Variants in DMRTA2 observed in about 807,000 individuals in gnomAD.
DMRTA2 encodes the protein doublesex- and mab-3-related transcription factor A2.
DMRTA2 carries 10 observed loss-of-function variants against 29.7 expected under a neutral mutation model. That is an observed-to-expected ratio of 0.34 (90% confidence interval 0.21 to 0.57). The LOEUF (loss-of-function observed/expected upper bound fraction) is 0.57. Among genes scored for constraint, DMRTA2 ranks in the 20% least tolerant of loss-of-function variants. The pLI is 0.87. For synonymous variants in DMRTA2, 469 were observed against 402.6 expected (o/e 1.16, Z -1.97); for missense variants, 783 against 812.1 (o/e 0.96, Z 0.44).
chr1:50,418,608 G>T lies in DMRTA2; in HGVS notation c.*57C>A. 1.5e-6 allele frequency: 2 copies of T among 1,294,430 alleles called. No individual in the cohort carries two copies. Among genetic ancestry groups the T allele is most frequent in the Non-Finnish European group, 9.9e-7 (1 of 1,005,662 alleles). The allele number at this position is 1,294,430 out of a possible 1,614,324, so 80.2% of individuals were successfully genotyped here. On this transcript the variant is annotated 3_prime_UTR_variant, in exon 3 of 3. Coordinates refer to ENST00000404795, the MANE Select transcript of DMRTA2 (RefSeq NM_032110.3). ...CTGGGCGAAGAGGGGTCGATGGCCCGCGGGAACAGGGCTGGGGTTCCTGTT... is the reference window on the plus strand; with the variant it reads ...CTGGGCGAAGAGGGGTCGATGGCCCTCGGGAACAGGGCTGGGGTTCCTGTT...
rs1200193319 is a variant in DMRTA2, at chr1:50,421,332, TG to T, written c.204del (p.Lys69SerfsTer146). On this transcript the variant is annotated frameshift_variant, in exon 2 of 3. Transcript: ENST00000404795. LOFTEE classifies it high-confidence loss of function. This position sits in a 1 kb window ranked among gnomAD's most constrained non-coding sequence, Gnocchi z 8.7. ...LRAAEKYPRTPKCARCRNHGV... is the reference protein window; with the variant it reads ...LRAAEKYPRTXKCARCRNHGV... ...CCATGGTTGCGACAGCGCGCGCACT[TG>T]GGGGTCCGCGGGTACTTCTCGGCTG... 6.5e-7 allele frequency: 1 copy of T among 1,527,524 alleles called. No homozygotes were observed. Among genetic ancestry groups the T allele is most frequent in the Non-Finnish European group, 8.8e-7 (1 of 1,137,188 alleles). 94.6% of individuals were successfully genotyped at this position (1,527,524 alleles called of 1,614,324 possible).
At position 50,418,944 on chromosome 1, in the gene DMRTA2, G is replaced by T. The variant is rs1447150739; in HGVS notation, c.1350C>A (p.Ala450=). The change falls in exon 3 of 3, where the codon GCC becomes GCA. Residue 450 remains alanine, a synonymous_variant. Coordinates refer to ENST00000404795, the MANE Select transcript of DMRTA2 (RefSeq NM_032110.3). The part of the protein sequence containing the change: ...PLQPNASHFG[A]DAGAYPLGAP... ...CGCCCAGCGGGTAGGCGCCCGCGTC[G>T]GCACCGAAGTGACTGGCGTTGGGCT... The T allele has an allele frequency of 6.9e-7, 1 of 1,443,370 alleles. No individual in the cohort carries two copies. Among genetic ancestry groups the T allele is most frequent in the Non-Finnish European group, 9.1e-7 (1 of 1,103,880 alleles). The allele number at this position is 1,443,370 out of a possible 1,614,324, so 89.4% of individuals were successfully genotyped here.
Position 50,418,318 on chromosome 1 carries a change from G to A in DMRTA2, c.*347C>T. Reference sequence around the variant, plus strand: ...ATCCACTGAGAGCCGGATGAGCACAGCTAAGGAGCCGCAGGAGCCTGCGCT... The same window carrying A: ...ATCCACTGAGAGCCGGATGAGCACAACTAAGGAGCCGCAGGAGCCTGCGCT... On this transcript the variant is annotated 3_prime_UTR_variant, in exon 3 of 3. Coordinates refer to ENST00000404795, the MANE Select transcript of DMRTA2 (RefSeq NM_032110.3). The A allele has an allele frequency of 4.6e-6, 1 of 215,130 alleles. No individual in the cohort carries two copies. The highest frequency in any genetic ancestry group is 9.1e-6 in the Non-Finnish European group (1 of 109,902). The allele number at this position is 215,130 out of a possible 1,614,324, so 13.3% of individuals were successfully genotyped here. A position where few individuals can be genotyped will look rare whatever the true frequency, so the allele number is the denominator to read the frequency against.
In DMRTA2 at chr1:50,418,852, G is replaced by T. The variant is rs764613326; in HGVS notation, c.1442C>A (p.Ala481Asp). 4 of 1,560,430 alleles carry T rather than the reference G, an allele frequency of 2.6e-6. No homozygotes were observed. In the South Asian group the frequency reaches 4.7e-5, roughly 18 times the overall value. ...GGCAGTGGAGTAGGGCGCCATGAAG[G>T]CCAGACCGCGGCTGTGCGCCGCCGC... ...SAAAAHSRGLAFMAPYSTAGL... is the reference protein window; with the variant it reads ...SAAAAHSRGLDFMAPYSTAGL... The change falls in exon 3 of 3, where the codon GCC (alanine) becomes GAC (aspartate). Residue 481 changes from alanine (A) to aspartate (D), a missense_variant. Transcript: ENST00000404795.
rs1230425389 is a variant in DMRTA2 at position 50,418,172 on chromosome 1, C to G, written c.*493G>C. On this transcript the variant is annotated 3_prime_UTR_variant, in exon 3 of 3. Transcript: ENST00000404795. Reference sequence around the variant, plus strand: ...CAATTGTATCGATATATATGTGTGTCCCAAAGACTCAGTGCCAAGAGATTT... The same window carrying G: ...CAATTGTATCGATATATATGTGTGTGCCAAAGACTCAGTGCCAAGAGATTT... The G allele has an allele frequency of 2.0e-5, 3 of 151,750 alleles. No individual in the cohort carries two copies. Among genetic ancestry groups the G allele is most frequent in the Non-Finnish European group, 4.4e-5 (3 of 68,106 alleles). The allele number at this position is 151,750 out of a possible 1,614,324, so 9.4% of individuals were successfully genotyped here.
At position 50,418,593 on chromosome 1, in the gene DMRTA2, A is replaced by G; in HGVS notation, c.*72T>C. ...GGCGCAGAGAGAGCGCTGGGCGAAG[A>G]GGGGTCGATGGCCCGCGGGAACAGG... On this transcript the variant is annotated 3_prime_UTR_variant, in exon 3 of 3. Transcript: ENST00000404795. The G allele has an allele frequency of 8.1e-7, 1 of 1,241,204 alleles. No individual in the cohort carries two copies. The allele number at this position is 1,241,204 out of a possible 1,614,324, so 76.9% of individuals were successfully genotyped here.
Position 50,421,302 on chromosome 1 carries a change from C to T in DMRTA2, c.235G>A (p.Val79Met). ...CGTTTGTGGCCCTTGAGGGCCGACA[C>T]CACGCCATGGTTGCGACAGCGCGCG... Reference protein sequence around the residue: ...KCARCRNHGVVSALKGHKRYC... With the variant: ...KCARCRNHGVMSALKGHKRYC... The change falls in exon 2 of 3, where the codon GTG (valine) becomes ATG (methionine). Residue 79 changes from valine (V) to methionine (M), a missense_variant. Transcript: ENST00000404795. The surrounding 1 kb of genome is among the most constrained non-coding windows in gnomAD (Gnocchi z 8.7). 1 of 1,532,328 alleles carries T rather than the reference C, an allele frequency of 6.5e-7. No individual in the cohort carries two copies. The allele number at this position is 1,532,328 out of a possible 1,614,324, so 94.9% of individuals were successfully genotyped here. A position where few individuals can be genotyped will look rare whatever the true frequency, so the allele number is the denominator to read the frequency against.
chr1:50,419,123 C>CGGGGGGGGGGGGGGGGGG lies in DMRTA2; in HGVS notation c.1170_1171insCCCCCCCCCCCCCCCCCC (p.Ala390_Ala391insProProProProProPro). On this transcript the variant is annotated inframe_insertion, in exon 3 of 3. Coordinates refer to ENST00000404795, the MANE Select transcript of DMRTA2 (RefSeq NM_032110.3). The surrounding 1 kb of genome is among the most constrained non-coding windows in gnomAD (Gnocchi z 6.1). ...CCCCCGGCGGCGGCGGCGGCGGCGG[C>CGGGGGGGGGGGGGGGGGG]GGCGGCGTCGACGCGGCTGGGCCAC... 8.4e-7 allele frequency: 1 copy of CGGGGGGGGGGGGGGGGGG among 1,184,566 alleles called. No homozygotes were observed. Among genetic ancestry groups the CGGGGGGGGGGGGGGGGGG allele is most frequent in the Non-Finnish European group, 1.0e-6 (1 of 962,730 alleles). 73.4% of individuals were successfully genotyped at this position (1,184,566 alleles called of 1,614,324 possible). A position where few individuals can be genotyped will look rare whatever the true frequency, so the allele number is the denominator to read the frequency against.
In DMRTA2 at chr1:50,419,088, C is replaced by T; in HGVS notation, c.1206G>A (p.Leu402=). The T allele has an allele frequency of 2.5e-6, 3 of 1,209,370 alleles. No homozygotes were observed. Among genetic ancestry groups the T allele is most frequent in the Non-Finnish European group, 1.0e-6 (1 of 977,836 alleles). 74.9% of individuals were successfully genotyped at this position (1,209,370 alleles called of 1,614,324 possible). A position where few individuals can be genotyped will look rare whatever the true frequency, so the allele number is the denominator to read the frequency against. Residue 402 remains leucine (L), a synonymous_variant, in exon 3 of 3, where the codon CTG becomes CTA. Coordinates refer to ENST00000404795, the MANE Select transcript of DMRTA2 (RefSeq NM_032110.3). This position sits in a 1 kb window ranked among gnomAD's most constrained non-coding sequence, Gnocchi z 6.1. ...CGGGCCCCGCCTGCAGCGGCGCAGGCAGCCCAGGCCCCCCGGCGGCGGCGG... is the reference window on the plus strand; with the variant it reads ...CGGGCCCCGCCTGCAGCGGCGCAGGTAGCCCAGGCCCCCCGGCGGCGGCGG... ...AAAAAAGGPG[L]PAPLQAGPAA... is the part of the protein sequence containing the mutation.
chr1:50,418,737 C>T lies in DMRTA2; in HGVS notation c.1557G>A (p.Ala519=). The change falls in exon 3 of 3, where the codon GCG becomes GCA. Residue 519 remains alanine, a synonymous_variant. Transcript: ENST00000404795. ...CGCCGTAGGTCGGCTCCTTGTGCAC[C>T]GCCGCAGCAGCGGCGGCCGAGCGGT... The part of the protein sequence containing the change: ...MRDRSAAAAA[A]VHKEPTYGGG... The T allele has an allele frequency of 6.5e-7, 1 of 1,549,550 alleles. No individual in the cohort carries two copies. The highest frequency in any genetic ancestry group is 8.7e-7 in the Non-Finnish European group (1 of 1,152,346).
rs914021338 is a variant in DMRTA2, at chr1:50,421,678, A to C, written c.-8-134T>G. 1 of 1,079,548 alleles carries C rather than the reference A, an allele frequency of 9.3e-7. No individual in the cohort carries two copies. 66.9% of individuals were successfully genotyped at this position (1,079,548 alleles called of 1,614,324 possible). A position where few individuals can be genotyped will look rare whatever the true frequency, so the allele number is the denominator to read the frequency against. On this transcript the variant is annotated intron_variant, in intron 1 of 2. Transcript: ENST00000404795. This position sits in a 1 kb window ranked among gnomAD's most constrained non-coding sequence, Gnocchi z 8.7. ...GCGGAGGCTGGGCTAGAGGGGCCAG[A>C]ATTGCTGGGAGGAGGTGCAGTCGGA...
Position 50,418,683 on chromosome 1 carries a change from G to A in DMRTA2, c.1611C>T (p.Gly537=). Residue 537 remains glycine (G), a synonymous_variant, in exon 3 of 3, where the codon GGC becomes GGT. Coordinates refer to ENST00000404795, the MANE Select transcript of DMRTA2 (RefSeq NM_032110.3). ...CCTCGCCCTACTGCTTCTCCGGAGC[G>A]CCGTTGACCATAGGCCCGTACAGGC... ...GGGLYGPMVN[G]APEKQ 1 of 1,414,028 alleles carries A rather than the reference G, an allele frequency of 7.1e-7. No homozygotes were observed. The highest frequency in any genetic ancestry group is 1.5e-5 in the South Asian group (1 of 64,622). The allele number at this position is 1,414,028 out of a possible 1,614,324, so 87.6% of individuals were successfully genotyped here.
chr1:50,421,195 C>T lies in DMRTA2; in HGVS notation c.342G>A (p.Ala114=). The T allele has an allele frequency of 6.5e-7, 1 of 1,537,412 alleles. No homozygotes were observed. The highest frequency in any genetic ancestry group is 8.8e-7 in the Non-Finnish European group (1 of 1,141,862). ...ERQRVMAAQV[A]LRRQQAQEEN... Reference sequence around the variant, plus strand: ...CCTCCTGCGCCTGCTGCCTGCGCAGCGCCACCTGCGCCGCCATGACACGCT... The same window carrying T: ...CCTCCTGCGCCTGCTGCCTGCGCAGTGCCACCTGCGCCGCCATGACACGCT... The change falls in exon 2 of 3, where the codon GCG becomes GCA. Residue 114 remains alanine (A), a synonymous_variant. Transcript: ENST00000404795. The surrounding 1 kb of genome is among the most constrained non-coding windows in gnomAD (Gnocchi z 8.7).
rs1055306644 is a variant in DMRTA2 at position 50,420,521 on chromosome 1, A to C, written c.559+457T>G. Among the ~76,000 whole-genome samples, 1 of 152,130 alleles carries C rather than the reference A, an allele frequency of 6.6e-6. No homozygotes were observed. Among genetic ancestry groups the C allele is most frequent in the African/African-American group, 2.4e-5 (1 of 41,406 alleles). ...GCGTTAGGAACGCGAGAAGGGGAAA[A>C]GAAACTAGGGCGTCTCAGAACCTAG... On this transcript the variant is annotated intron_variant, in intron 2 of 2. Coordinates refer to ENST00000404795, the MANE Select transcript of DMRTA2 (RefSeq NM_032110.3). This position sits in a 1 kb window ranked among gnomAD's most constrained non-coding sequence, Gnocchi z 4.1.
At position 50,421,480 on chromosome 1, in the gene DMRTA2, T is replaced by TGCC. The variant is rs879462205; in HGVS notation, c.54_56dup (p.Ala19dup). The TGCC allele has an allele frequency of 4.8e-5, 61 of 1,275,272 alleles. No individual in the cohort carries two copies. Among genetic ancestry groups the TGCC allele is most frequent in the African/African-American group, 6.2e-5 (4 of 64,428 alleles). 79.0% of individuals were successfully genotyped at this position (1,275,272 alleles called of 1,614,324 possible). ...ACGCCACAGGCGGCCCCGTCGCTGT[T>TGCC]GCCGCCGCCGCCGTCGCCGCGCCGG... is the stretch of plus-strand genomic sequence containing the variant. On this transcript the variant is annotated inframe_insertion, in exon 2 of 3. Coordinates refer to ENST00000404795, the MANE Select transcript of DMRTA2 (RefSeq NM_032110.3). The surrounding 1 kb of genome is among the most constrained non-coding windows in gnomAD (Gnocchi z 8.7).
rs367637662 is a variant in DMRTA2, at chr1:50,419,894, C to T, written c.560-160G>A. The stretch of plus-strand genomic sequence containing the variant: ...TCTTTTTGCTCTAGCATTCCTTCCG[C>T]TCTGAGCCCCTACAGCCCTGACCCC... On this transcript the variant is annotated intron_variant, in intron 2 of 2. Coordinates refer to ENST00000404795, the MANE Select transcript of DMRTA2 (RefSeq NM_032110.3). The surrounding 1 kb of genome is among the most constrained non-coding windows in gnomAD (Gnocchi z 6.1). Among the ~76,000 whole-genome samples the T allele has an allele frequency of 6.6e-6, 1 of 152,130 alleles. No homozygotes were observed. Among genetic ancestry groups the T allele is most frequent in the African/African-American group, 2.4e-5 (1 of 41,436 alleles).
At position 50,421,230 on chromosome 1, in the gene DMRTA2, C is replaced by A; in HGVS notation, c.307G>T (p.Ala103Ser). ...DCLCAKCTLIAERQRVMAAQV... is the reference protein window; with the variant it reads ...DCLCAKCTLISERQRVMAAQV... ...GCCGCCATGACACGCTGGCGCTCCG[C>A]GATGAGCGTGCACTTGGCGCACAGG... The change falls in exon 2 of 3, where the codon GCG (alanine) becomes TCG (serine). Residue 103 changes from alanine (A) to serine (S), a missense_variant. Ala to Ser is a moderately conservative substitution (Grantham distance 99, BLOSUM62 1). Around this residue, in one of 3 missense-constraint regions of DMRTA2, gnomAD observed 76 missense variants for 152.6 expected, o/e 0.50. Transcript: ENST00000404795. The surrounding 1 kb of genome is among the most constrained non-coding windows in gnomAD (Gnocchi z 8.7). 1 of 1,537,168 alleles carries A rather than the reference C, an allele frequency of 6.5e-7. No homozygotes were observed. The highest frequency in any genetic ancestry group is 8.8e-7 in the Non-Finnish European group (1 of 1,141,392).
At chr1:50,423,057 A>C (rs919378419) in intron 1 of DMRTA2, 59 bp downstream of exon 1, 6 of 152,306 alleles carry the variant, frequency 3.9e-5, no homozygotes, top group African/African-American at 1.4e-4. Context: ...GGCCTCCTCA[A>C]CAGGGGCCGC....
rs778056129 is a variant in DMRTA2 at position 50,419,448 on chromosome 1, G to T, written c.846C>A (p.Ser282Arg). Residue 282 changes from serine to arginine, a missense_variant, in exon 3 of 3, where the codon AGC becomes AGA. Ser to Arg is a moderately radical substitution (Grantham distance 110, BLOSUM62 -1). Transcript: ENST00000404795. This position sits in a 1 kb window ranked among gnomAD's most constrained non-coding sequence, Gnocchi z 6.1. Reference protein sequence around the residue: ...GGEEDSPGSASPLGSESGSEA... With the variant: ...GGEEDSPGSARPLGSESGSEA... ...CTGAACCGGATTCAGAGCCCAGAGG[G>T]CTAGCGGAGCCCGGGCTGTCCTCCT... The T allele has an allele frequency of 3.1e-6, 5 of 1,598,370 alleles. No homozygotes were observed. Among genetic ancestry groups the T allele is most frequent in the South Asian group, 1.1e-5 (1 of 90,324 alleles).
Sources: allele counts gnomAD v4.1 joint callset (sites outside exome capture counted in the v4.1 genomes callset), GRCh38; gene constraint gnomAD v4.1.1; regional missense constraint gnomAD v4.1.1; non-coding constraint Gnocchi (gnomAD v3.1); transcripts MANE v1.5; gene names NCBI Gene and HGNC (gene_info 2026-07-23, HGNC 2026-07-21).